The following FER variants were observed in gnomAD, a reference collection of about 807,000 sequenced individuals.
The protein encoded by FER is tyrosine-protein kinase Fer.
A neutral mutation model predicts 111.0 loss-of-function variants in FER; 63 were observed. The ratio of observed to expected loss-of-function variants is 0.57; its 90% CI spans 0.46 to 0.70. FER has a LOEUF of 0.70. Among genes scored for constraint, FER ranks in the 30% least tolerant of loss-of-function variants. The probability of loss-of-function intolerance (pLI) is 0.00; values close to 1 mark genes in which losing one functional copy is unlikely to be tolerated. For missense variants in FER, 914 were observed against 954.0 expected, an observed-to-expected ratio of 0.96 and a Z score of 0.55; for synonymous variants, 327 against 313.9, an observed-to-expected ratio of 1.04 and a Z score of -0.44.
At chr5:108,762,073 G>T (rs182882963) in intron 1 of FER, among the ~76,000 whole-genome samples, 218 of 152,142 alleles carry the variant, frequency 1.4e-3, no homozygotes, top group South Asian at 5.8e-3. Flanking sequence ...TCCACACCTG[G>T]CTAATTTTTT....
intron 11 of FER, among the ~76,000 whole-genome samples, chr5:108,953,376 C>CT (rs1353291797): frequency 6.6e-6 from 1 of 151,772 alleles, no homozygotes; most frequent in East Asian, 1.9e-4. Flanking sequence ...AATTAAAAGA[C>CT]TTAGTTTACC....
intron 10 of FER, among the ~76,000 whole-genome samples, chr5:108,931,355 T>A (rs1754649289): frequency 6.6e-6 from 1 of 152,134 alleles, no homozygotes; most frequent in African/African-American, 2.4e-5. Context: ...ATAAAAAAAA[T>A]TTGGTGTCTC....
intron 17 of FER, among the ~76,000 whole-genome samples, chr5:109,143,050 T>C (rs1403648717): frequency 6.6e-6 from 1 of 152,160 alleles, no homozygotes; most frequent in Non-Finnish European, 1.5e-5. Context: ...TTCTGGCCAC[T>C]TTAATTTAGG....
intron 17 of FER, among the ~76,000 whole-genome samples, chr5:109,150,180 C>G (rs1754670839): frequency 6.6e-6 from 1 of 152,114 alleles, no homozygotes; most frequent in Non-Finnish European, 1.5e-5. Context: ...TCTATTTGAT[C>G]AGTTGGCTCT....
At chr5:108,894,779 A>C (rs1015249244) in intron 9 of FER, among the ~76,000 whole-genome samples, 2 of 152,076 alleles carry the variant, frequency 1.3e-5, no homozygotes, top group African/African-American at 4.8e-5. Flanking sequence ...GCAGCAGGCA[A>C]GAGAGAGAGC....
chr5:108,828,334 A>G lies in FER; in HGVS notation c.208-4436A>G, dbSNP rs1217696440. ...GGTTAACTTTAGAAACTCAAGAATT[A>G]TAAACTCAAATTTATACTTCTTGAT... On this transcript the variant is annotated intron_variant, in intron 3 of 19. Coordinates refer to ENST00000281092, the MANE Select transcript of FER (RefSeq NM_005246.4). Among the ~76,000 whole-genome samples the G allele has an allele frequency of 2.6e-5, 4 of 152,354 alleles. No homozygotes were observed. In the South Asian group the frequency reaches 6.2e-4, roughly 24 times the overall value.
intron 3 of FER, among the ~76,000 whole-genome samples, chr5:108,815,835 T>A (rs922840139): frequency 2.6e-5 from 4 of 152,224 alleles, no homozygotes; most frequent in African/African-American, 4.8e-5. Flanking sequence ...AACTTGAGCC[T>A]GTACAACTAG....
chr5:108,834,811 ATTT>A (rs1760444050), intron 4 of FER, among the ~76,000 whole-genome samples: 1 of 151,552 alleles, frequency 6.6e-6, no homozygotes, highest in African/African-American at 2.4e-5. Context: ...TTATATTTAT[ATTT>A]TTTGTTTATT....
At chr5:109,065,877 T>C (rs1275370098) in intron 16 of FER, among the ~76,000 whole-genome samples, 1 of 152,248 alleles carries the variant, frequency 6.6e-6, no homozygotes, top group Non-Finnish European at 1.5e-5. Context: ...ATTGAGAGCC[T>C]AATAAATGTA....
intron 5 of FER, among the ~76,000 whole-genome samples, chr5:108,845,041 C>CATATATATATATATATATACAT (rs1761849125): frequency 2.2e-5 from 1 of 46,392 alleles, no homozygotes; most frequent in Non-Finnish European, 4.1e-5. Context: ...TATATATATA[C>CATATATATATATATATATACAT]ATATATATAT....
At chr5:109,082,748 A>C (rs1040621302) in intron 16 of FER, among the ~76,000 whole-genome samples, 4 of 151,974 alleles carry the variant, frequency 2.6e-5, no homozygotes, top group African/African-American at 9.7e-5. Context: ...GAATGTCAAC[A>C]GTTTTATATG....
intron 17 of FER, among the ~76,000 whole-genome samples, chr5:109,115,573 T>C (rs923698497): frequency 6.6e-6 from 1 of 152,202 alleles, no homozygotes; most frequent in Non-Finnish European, 1.5e-5. Flanking sequence ...CCTAAAATTA[T>C]GTAAATAGTT....
chr5:109,006,891 C>G (rs1400463458), intron 13 of FER, among the ~76,000 whole-genome samples: 1 of 152,124 alleles, frequency 6.6e-6, no homozygotes, highest in Non-Finnish European at 1.5e-5. Context: ...TATATTGATA[C>G]TAAGAGCACA....
At chr5:109,018,074 G>T (rs1767433112) in intron 13 of FER, among the ~76,000 whole-genome samples, 1 of 151,812 alleles carries the variant, frequency 6.6e-6, no homozygotes, top group South Asian at 2.1e-4. Flanking sequence ...GTCTGTTTTA[G>T]TTAGAATGCC....
At chr5:108,825,513 T>A (rs1759373059) in intron 3 of FER, among the ~76,000 whole-genome samples, 1 of 152,210 alleles carries the variant, frequency 6.6e-6, no homozygotes, top group Non-Finnish European at 1.5e-5. Context: ...CCTGTTCTTT[T>A]TTCAGGGTGC....
At chr5:109,135,401 C>G (rs575650199) in intron 17 of FER, among the ~76,000 whole-genome samples, 3 of 152,190 alleles carry the variant, frequency 2.0e-5, no homozygotes, top group Non-Finnish European at 4.4e-5. Context: ...AGCTTTTGAA[C>G]CCAGGCAGTC....
chr5:109,144,315 A>G (rs1267706773), intron 17 of FER, among the ~76,000 whole-genome samples: 1 of 152,090 alleles, frequency 6.6e-6, no homozygotes. Context: ...GATATTTAAC[A>G]AGTACCAACT....
chr5:108,994,873 T>C (rs962735238), intron 13 of FER, among the ~76,000 whole-genome samples: 2 of 152,344 alleles, frequency 1.3e-5, no homozygotes, highest in African/African-American at 4.8e-5. Flanking sequence ...TTTGTAGCAA[T>C]TGTGAATGGG....
chr5:109,076,866 G>A (rs1236182383), intron 16 of FER, among the ~76,000 whole-genome samples: 2 of 152,146 alleles, frequency 1.3e-5, no homozygotes, highest in East Asian at 1.9e-4. Context: ...TCAGACACTG[G>A]TAATCACTTT....
Sources: gnomAD v4.1 joint callset for allele counts (sites outside exome capture counted in the v4.1 genomes callset) on GRCh38, gnomAD v4.1.1 for gene constraint, MANE v1.5 for transcripts, NCBI Gene and HGNC (gene_info 2026-07-23, HGNC 2026-07-21) for gene names.